Variants in PIAS2 observed in about 807,000 individuals in gnomAD.
PIAS2 encodes the protein protein inhibitor of activated STAT 2.
A neutral mutation model predicts 69.7 loss-of-function variants in PIAS2; 19 were observed. The ratio of observed to expected loss-of-function variants is 0.27; its 90% confidence interval spans 0.19 to 0.40. The LOEUF (loss-of-function observed/expected upper bound fraction) is 0.40. Among genes scored for constraint, PIAS2 ranks in the 10% least tolerant of loss-of-function variants. The pLI is 1.00. For missense variants in PIAS2, 624 were observed against 757.0 expected (o/e 0.82, Z 2.06); for synonymous variants, 261 against 263.2 (o/e 0.99, Z 0.08).
rs2040910999 is a variant in PIAS2, at chr18:46,810,201, A to G, written c.*2232T>C. On this transcript the variant is annotated 3_prime_UTR_variant, in exon 14 of 14. Transcript: ENST00000585916. ...TCACAGAAAATAGAAAAAAAAACAAAAAAACAAATCACAATTATAAAAGCA... is the reference window on the plus strand; with the variant it reads ...TCACAGAAAATAGAAAAAAAAACAAGAAAACAAATCACAATTATAAAAGCA... The G allele has an allele frequency of 6.6e-6, 1 of 152,174 alleles. No homozygotes were observed. The highest frequency in any genetic ancestry group is 2.1e-4 in the South Asian group (1 of 4,830). The allele number at this position is 152,174 out of a possible 1,614,324, so 9.4% of individuals were successfully genotyped here.
In PIAS2 at chr18:46,911,879, TG is replaced by T. The variant is rs2057305313; in HGVS notation, c.24+5442del. ...CAGCCTGACCAACATGGTGAAACCC[TG>T]TCTCTATTACAAATACAAAAATTAG... is the stretch of plus-strand genomic sequence containing the variant. On this transcript the variant is annotated intron_variant, in intron 1 of 13. Transcript: ENST00000585916. Among the ~76,000 whole-genome samples, 4 of 152,116 alleles carry T rather than the reference TG, an allele frequency of 2.6e-5. No individual in the cohort carries two copies. The South Asian group carries it at 8.3e-4, about 32-fold the overall frequency.
chr18:46,868,660 G>A (rs768460034), intron 2 of PIAS2, among the ~76,000 whole-genome samples: 3 of 152,128 alleles, frequency 2.0e-5, no homozygotes, highest in Non-Finnish European at 2.9e-5. Flanking sequence ...CTCTCGCAGC[G>A]GCCAGAAGTG....
At chr18:46,855,104 A>T (rs972367791) in intron 5 of PIAS2, among the ~76,000 whole-genome samples, 5 of 23,420 alleles carry the variant, frequency 2.1e-4, no homozygotes, top group Non-Finnish European at 3.6e-4. Flanking sequence ...TTGTCTCTTT[A>T]AAAAAAAAAA....
At chr18:46,825,641 G>A (rs1234796128) in intron 11 of PIAS2, among the ~76,000 whole-genome samples, 1 of 152,144 alleles carries the variant, frequency 6.6e-6, no homozygotes, top group Non-Finnish European at 1.5e-5. Context: ...TGCTCTGAGA[G>A]TCATATAGCC....
chr18:46,856,068 C>G (rs546200132), intron 3 of PIAS2, among the ~76,000 whole-genome samples: 3 of 132,466 alleles, frequency 2.3e-5, no homozygotes, highest in Non-Finnish European at 3.1e-5. Context: ...TGCAGTGGCG[C>G]GATCTTGGCT....
At chr18:46,898,653 T>C (rs1185250397) in intron 1 of PIAS2, among the ~76,000 whole-genome samples, 1 of 152,078 alleles carries the variant, frequency 6.6e-6, no homozygotes, top group Non-Finnish European at 1.5e-5. Flanking sequence ...TGCAAAAGAA[T>C]AAATTTTAAA....
Position 46,844,802 on chromosome 18 carries a change from G to GT in PIAS2, c.898dup (p.Thr300AsnfsTer15). ...TAATCTCTGTAATAACATGGCTGAT[G>GT]TAAGCTGCCGTACAAGATATACAGA... is the stretch of plus-strand genomic sequence containing the variant. On this transcript the variant is annotated frameshift_variant, in exon 7 of 14. Coordinates refer to ENST00000585916, the MANE Select transcript of PIAS2 (RefSeq NM_004671.5). LOFTEE classifies it high-confidence loss of function. The GT allele has an allele frequency of 6.8e-7, 1 of 1,478,890 alleles. No homozygotes were observed. Among genetic ancestry groups the GT allele is most frequent in the Non-Finnish European group, 9.0e-7 (1 of 1,115,332 alleles). The allele number at this position is 1,478,890 out of a possible 1,614,324, so 91.6% of individuals were successfully genotyped here.
At chr18:46,818,562 T>C (rs1313050840) in intron 12 of PIAS2, 1 of 941,746 alleles carries the variant, frequency 1.1e-6, no homozygotes, top group Non-Finnish European at 1.4e-6. Context: ...TTATAAATTA[T>C]TAAGTTTATC....
intron 1 of PIAS2, among the ~76,000 whole-genome samples, chr18:46,891,859 A>T (rs1320645306): frequency 6.6e-6 from 1 of 152,146 alleles, no homozygotes; most frequent in African/African-American, 2.4e-5. Flanking sequence ...AGCAAAACTT[A>T]ATGAATATTT....
chr18:46,817,590 T>C, intron 12 of PIAS2: 1 of 939,024 alleles, frequency 1.1e-6, no homozygotes, highest in African/African-American at 1.8e-5. Context: ...TGATACCTCA[T>C]CCACGGAAAA....
chr18:46,884,577 G>T (rs2052828023), intron 2 of PIAS2, among the ~76,000 whole-genome samples: 1 of 151,868 alleles, frequency 6.6e-6, no homozygotes, highest in Admixed American at 6.6e-5. Flanking sequence ...TCCCAAAAGT[G>T]TTGGGATTAC....
chr18:46,860,555 T>C (rs2048499973), intron 3 of PIAS2, among the ~76,000 whole-genome samples: 1 of 152,140 alleles, frequency 6.6e-6, no homozygotes, highest in Admixed American at 6.5e-5. Flanking sequence ...CAAAAGGGCA[T>C]AGGAGCCAAC....
chr18:46,882,636 C>T (rs981947850), intron 2 of PIAS2, among the ~76,000 whole-genome samples: 2 of 152,040 alleles, frequency 1.3e-5, no homozygotes, highest in African/African-American at 2.4e-5. Flanking sequence ...ATGCTATACA[C>T]AAAAATACTT....
Position 46,829,826 on chromosome 18 carries a change from T to A in PIAS2, c.1244A>T (p.Glu415Val), listed in dbSNP as rs766088096. The change falls in exon 10 of 14, where the codon GAG becomes GTG. Residue 415 changes from glutamate to valine, a missense_variant. Coordinates refer to ENST00000585916, the MANE Select transcript of PIAS2 (RefSeq NM_004671.5). Reference sequence around the variant, plus strand: ...AGAACCATCTTCTTGGAATTTGATCTCATCTACATCAGAACAGTCATTGAG... The same window carrying A: ...AGAACCATCTTCTTGGAATTTGATCACATCTACATCAGAACAGTCATTGAG... ...EILNDCSDVD[E>V]IKFQEDGSWC... The A allele has an allele frequency of 6.2e-7, 1 of 1,613,376 alleles. No individual in the cohort carries two copies. Among genetic ancestry groups the A allele is most frequent in the Non-Finnish European group, 8.5e-7 (1 of 1,179,384 alleles).
At chr18:46,845,059 T>C in intron 6 of PIAS2, 1 of 312,230 alleles carries the variant, frequency 3.2e-6, no homozygotes, top group African/African-American at 2.1e-5. Context: ...TTTATCACTT[T>C]AAAACATTCG....
intron 1 of PIAS2, among the ~76,000 whole-genome samples, chr18:46,896,920 T>C (rs2054979242): frequency 6.6e-6 from 1 of 152,260 alleles, no homozygotes. Flanking sequence ...TGAGTATTTA[T>C]GTATAAAATT....
At chr18:46,872,411 T>C (rs2050502874) in intron 2 of PIAS2, among the ~76,000 whole-genome samples, 1 of 152,230 alleles carries the variant, frequency 6.6e-6, no homozygotes, top group Admixed American at 6.5e-5. Context: ...TAGATAGTCT[T>C]GCCCCAAGAG....
chr18:46,872,484 C>T (rs2050514327), intron 2 of PIAS2, among the ~76,000 whole-genome samples: 1 of 152,064 alleles, frequency 6.6e-6, no homozygotes. Flanking sequence ...AAATTTGTAC[C>T]CCCAAAACAC....
intron 12 of PIAS2, chr18:46,818,247 T>C: frequency 1.6e-6 from 2 of 1,245,426 alleles, no homozygotes; most frequent in Non-Finnish European, 2.0e-6. Context: ...TTTCAAATTT[T>C]AATGATACAA....
Sources: allele counts gnomAD v4.1 joint callset (sites outside exome capture counted in the v4.1 genomes callset), GRCh38; gene constraint gnomAD v4.1.1; transcripts MANE v1.5; gene names NCBI Gene and HGNC (gene_info 2026-07-23, HGNC 2026-07-21).